Variants in RARB observed in about 807,000 individuals in gnomAD.
RARB encodes the protein HBV-activated protein.
In RARB, 17 loss-of-function variants were observed where a neutral mutation model predicts 51.9. The ratio of observed to expected loss-of-function variants is 0.33; its 90% confidence interval spans 0.22 to 0.49. RARB has a LOEUF of 0.49. Ranked by LOEUF, RARB falls within the 20% of genes least tolerant of loss-of-function variation. The pLI is 0.99. For synonymous variants in RARB, 215 were observed against 195.4 expected (o/e 1.10, Z -0.84); for missense variants, 369 against 550.8 (o/e 0.67, Z 3.30).
At chr3:25,573,806 A>G (rs1055870974) in intron 4 of RARB, among the ~76,000 whole-genome samples, 1 of 152,220 alleles carries the variant, frequency 6.6e-6, no homozygotes, top group Non-Finnish European at 1.5e-5. Flanking sequence ...GGAATAAGAA[A>G]GGCAGCCAAC....
chr3:25,184,307 G>C (rs1463855727), intron 5 of RARB, among the ~76,000 whole-genome samples: 1 of 152,166 alleles, frequency 6.6e-6, no homozygotes, highest in Non-Finnish European at 1.5e-5. Context: ...GGCATTTTGA[G>C]AGTAAGGCCA....
chr3:25,036,281 A>G (rs1287964939), intron 2 of RARB, among the ~76,000 whole-genome samples: 1 of 152,192 alleles, frequency 6.6e-6, no homozygotes, highest in East Asian at 1.9e-4. Flanking sequence ...ACTGAGGGTC[A>G]GAGCTGTTAT....
At chr3:25,117,334 A>G (rs1699705313) in intron 3 of RARB, among the ~76,000 whole-genome samples, 1 of 152,172 alleles carries the variant, frequency 6.6e-6, no homozygotes, top group African/African-American at 2.4e-5. Flanking sequence ...TAAATTGAGA[A>G]CTGAATAAAA....
At chr3:24,964,672 G>A (rs1696214919) in intron 2 of RARB, among the ~76,000 whole-genome samples, 1 of 152,166 alleles carries the variant, frequency 6.6e-6, no homozygotes, top group South Asian at 2.1e-4. Context: ...CAGTGAAGTT[G>A]GGAGTAACGA....
At chr3:25,191,961 G>T (rs939028019) in intron 5 of RARB, among the ~76,000 whole-genome samples, 21 of 152,112 alleles carry the variant, frequency 1.4e-4, no homozygotes, top group African/African-American at 5.1e-4. Context: ...TCTCTTAGGG[G>T]AAGACAGTGA....
chr3:25,118,792 A>G (rs1409843252), intron 3 of RARB, among the ~76,000 whole-genome samples: 1 of 152,124 alleles, frequency 6.6e-6, no homozygotes, highest in African/African-American at 2.4e-5. Flanking sequence ...GATCCTCCCC[A>G]GAAAGTCATT....
chr3:25,059,881 T>C (rs1575141068), intron 2 of RARB, among the ~76,000 whole-genome samples: 2 of 151,808 alleles, frequency 1.3e-5, no homozygotes, highest in Non-Finnish European at 3.0e-5. Context: ...TCCTGTGACT[T>C]TTCTCTTGAA....
chr3:25,577,970 G>A (rs796224895), intron 4 of RARB, among the ~76,000 whole-genome samples: 16 of 152,314 alleles, frequency 1.1e-4, no homozygotes, highest in African/African-American at 3.8e-4. Flanking sequence ...ACTCTCAGTC[G>A]GCAGCAGATG....
At chr3:24,892,656 C>G (rs913920148) in intron 2 of RARB, among the ~76,000 whole-genome samples, 3 of 152,142 alleles carry the variant, frequency 2.0e-5, no homozygotes, top group African/African-American at 7.2e-5. Context: ...AATTATGATT[C>G]TAGCAGATTT....
At position 25,077,138 on chromosome 3, in the gene RARB, G is replaced by A. The variant is rs181589957; in HGVS notation, c.-328+16962G>A. On this transcript the variant is annotated intron_variant, in intron 3 of 11. Transcript: ENST00000383772. ...CAAACCCAATATTGATAATTAATGG[G>A]CTCCTCAAATAGCATGTTTTCCTGT... Among the ~76,000 whole-genome samples the A allele has an allele frequency of 4.1e-4, 62 of 152,274 alleles. 1 individual carries two copies. Among genetic ancestry groups the A allele is most frequent in the Admixed American group, 1.7e-3 (26 of 15,306 alleles).
intron 5 of RARB, among the ~76,000 whole-genome samples, chr3:25,223,167 A>G (rs557510481): frequency 6.6e-6 from 1 of 152,286 alleles, no homozygotes; most frequent in Non-Finnish European, 1.5e-5. Flanking sequence ...GATCCCACCA[A>G]CTGGCCCCCA....
chr3:25,212,114 C>T (rs901130979), intron 5 of RARB, among the ~76,000 whole-genome samples: 2 of 152,194 alleles, frequency 1.3e-5, no homozygotes, highest in South Asian at 4.1e-4. Context: ...TTGTCAAAGA[C>T]ATTAATGAAC....
At chr3:25,455,586 C>T (rs1694865370) in intron 1 of RARB, among the ~76,000 whole-genome samples, 1 of 152,202 alleles carries the variant, frequency 6.6e-6, no homozygotes, top group South Asian at 2.1e-4. Context: ...GAGGACAATG[C>T]TGCAGATTTG....
At chr3:25,054,168 A>G (rs1252669119) in intron 2 of RARB, among the ~76,000 whole-genome samples, 1 of 152,186 alleles carries the variant, frequency 6.6e-6, no homozygotes, top group Non-Finnish European at 1.5e-5. Context: ...TTATGTGTCT[A>G]AAATGTAGAC....
At chr3:25,481,903 TATTC>T (rs1426763499) in intron 2 of RARB, among the ~76,000 whole-genome samples, 2 of 152,222 alleles carry the variant, frequency 1.3e-5, no homozygotes, top group African/African-American at 4.8e-5. Context: ...ACAAATTTAA[TATTC>T]ATAACAATCC....
At chr3:24,888,841 G>A (rs1703316763) in intron 2 of RARB, among the ~76,000 whole-genome samples, 3 of 152,178 alleles carry the variant, frequency 2.0e-5, no homozygotes, top group Non-Finnish European at 4.4e-5. Context: ...GGTTACTGGA[G>A]CAGGGCTGTG....
At chr3:25,393,095 A>G (rs1288242040) in intron 5 of RARB, among the ~76,000 whole-genome samples, 1 of 152,054 alleles carries the variant, frequency 6.6e-6, no homozygotes, top group Admixed American at 6.6e-5. Context: ...TTTTCATCAA[A>G]AAACGATGCT....
intron 3 of RARB, among the ~76,000 whole-genome samples, chr3:25,077,811 T>C (rs1433822823): frequency 6.6e-6 from 1 of 152,172 alleles, no homozygotes; most frequent in East Asian, 1.9e-4. Flanking sequence ...CTGTCTGTGA[T>C]GAATAAGAGC....
chr3:25,159,658 C>T (rs1369813934), intron 4 of RARB, among the ~76,000 whole-genome samples: 2 of 152,072 alleles, frequency 1.3e-5, no homozygotes, highest in Non-Finnish European at 1.5e-5. Flanking sequence ...GCTGTATCCT[C>T]TTTGATCTCT....
Sources: gnomAD v4.1 joint callset for allele counts (sites outside exome capture counted in the v4.1 genomes callset) on GRCh38, gnomAD v4.1.1 for gene constraint, MANE v1.5 for transcripts, NCBI Gene and HGNC (gene_info 2026-07-23, HGNC 2026-07-21) for gene names.